Variants in WIPF2 observed in about 807,000 individuals in gnomAD.
WIPF2 encodes the protein WAS/WASL-interacting protein family member 2.
In WIPF2, 23 loss-of-function variants were observed where a neutral mutation model predicts 38.8. The observed-to-expected ratio is 0.59, with a 90% CI of 0.43 to 0.84. The LOEUF (loss-of-function observed/expected upper bound fraction) is 0.84. Among genes scored for constraint, WIPF2 ranks in the 40% least tolerant of loss-of-function variants. The pLI, the probability that WIPF2 is intolerant of heterozygous loss-of-function variation, is 0.00. For missense variants in WIPF2, 574 were observed against 580.5 expected (o/e 0.99, Z 0.11); for synonymous variants, 210 against 223.2 (o/e 0.94, Z 0.53).
rs77632688 is a variant in WIPF2, at chr17:40,271,845, C to G, written c.971-1945C>G. 2.6e-5 allele frequency among the ~76,000 whole-genome samples: 4 copies of G among 152,198 alleles called. No homozygotes were observed. In the South Asian group the frequency reaches 8.3e-4, roughly 32 times the overall value. The stretch of plus-strand genomic sequence containing the variant: ...TAGCTGCTATTATTGTTAGTTAATA[C>G]AGAGCATAGGAGTAAGACAAACACG... On this transcript the variant is annotated intron_variant, in intron 5 of 7. Coordinates refer to ENST00000323571, the MANE Select transcript of WIPF2 (RefSeq NM_133264.5).
At chr17:40,247,879 A>G (rs189385401) in intron 1 of WIPF2, among the ~76,000 whole-genome samples, 32 of 152,310 alleles carry the variant, frequency 2.1e-4, no homozygotes, top group African/African-American at 7.2e-4. Flanking sequence ...AGTAATTGTT[A>G]AATACTTATC....
chr17:40,277,840 C>T (rs933104266), intron 7 of WIPF2, among the ~76,000 whole-genome samples: 19 of 151,224 alleles, frequency 1.3e-4, no homozygotes, highest in African/African-American at 3.4e-4. Flanking sequence ...GATTCTCCTG[C>T]TTAAGCCTCC....
rs573664929 is a variant in WIPF2, at chr17:40,260,781, G to A, written c.196+114G>A. The A allele has an allele frequency of 1.5e-5, 21 of 1,385,102 alleles. No individual in the cohort carries two copies. In the South Asian group the frequency reaches 2.4e-4, roughly 16 times the overall value. 85.8% of individuals were successfully genotyped at this position (1,385,102 alleles called of 1,614,324 possible). A position where few individuals can be genotyped will look rare whatever the true frequency, so the allele number is the denominator to read the frequency against. ...GAGTGGGAGAGTTTTGTCCTGGGAT[G>A]TGCTTTGGCTCTCTTCTTATTCATT... On this transcript the variant is annotated intron_variant, in intron 3 of 7. Transcript: ENST00000323571.
At chr17:40,230,597 T>A (rs950945795) in intron 1 of WIPF2, among the ~76,000 whole-genome samples, 1 of 152,164 alleles carries the variant, frequency 6.6e-6, no homozygotes. Context: ...AATTTTAGGA[T>A]CTTAGAAATT....
At position 40,260,641 on chromosome 17, in the gene WIPF2, A is replaced by G; in HGVS notation, c.170A>G (p.Asn57Ser). 1 of 1,613,874 alleles carries G rather than the reference A, an allele frequency of 6.2e-7. No homozygotes were observed. The highest frequency in any genetic ancestry group is 8.5e-7 in the Non-Finnish European group (1 of 1,179,962). The change falls in exon 3 of 8, where the codon AAT becomes AGT. Residue 57 changes from asparagine to serine, a missense_variant. Transcript: ENST00000323571. ...AAGCTGAAGAAGGTGACCAACATTA[A>G]TGATCGGAGTGCTCCCATCCTCGAG... ...GTKLKKVTNI[N>S]DRSAPILEKP...
At chr17:40,230,601 A>G (rs1346295854) in intron 1 of WIPF2, among the ~76,000 whole-genome samples, 2 of 152,220 alleles carry the variant, frequency 1.3e-5, no homozygotes, top group Non-Finnish European at 2.9e-5. Context: ...TTAGGATCTT[A>G]GAAATTGTTT....
Position 40,219,344 on chromosome 17 carries a change from T to C in WIPF2, c.-218T>C. 2 of 369,268 alleles carry C rather than the reference T, an allele frequency of 5.4e-6. No homozygotes were observed. The highest frequency in any genetic ancestry group is 5.0e-5 in the South Asian group (2 of 40,072). 22.9% of individuals were successfully genotyped at this position (369,268 alleles called of 1,614,324 possible). ...GCTGGGGACGGTGGGAGCAGATCCA[T>C]TTCCGGGTTGGCAAAAGGGGCGGTG... On this transcript the variant is annotated 5_prime_UTR_variant, in exon 1 of 8. Coordinates refer to ENST00000323571, the MANE Select transcript of WIPF2 (RefSeq NM_133264.5).
At chr17:40,267,477 C>T (rs934015885) in intron 5 of WIPF2, among the ~76,000 whole-genome samples, 4 of 152,256 alleles carry the variant, frequency 2.6e-5, no homozygotes, top group African/African-American at 9.6e-5. Context: ...GCTCCCATAT[C>T]GTTGTATCAT....
At chr17:40,227,381 TAAA>T (rs2030539130) in intron 1 of WIPF2, among the ~76,000 whole-genome samples, 2 of 151,936 alleles carry the variant, frequency 1.3e-5, no homozygotes. Context: ...ATTTAAAAGA[TAAA>T]AAAGTATATA....
chr17:40,249,168 A>T (rs2031472045), intron 1 of WIPF2, among the ~76,000 whole-genome samples: 2 of 152,162 alleles, frequency 1.3e-5, no homozygotes, highest in Non-Finnish European at 2.9e-5. Context: ...GTCTTTTTAA[A>T]ATAACTTGCA....
intron 5 of WIPF2, among the ~76,000 whole-genome samples, chr17:40,267,746 G>A (rs1292762489): frequency 1.3e-5 from 2 of 152,126 alleles, no homozygotes; most frequent in South Asian, 2.1e-4. Flanking sequence ...CGCCGTGTTG[G>A]CCAGGCTGGT....
intron 1 of WIPF2, among the ~76,000 whole-genome samples, chr17:40,226,234 C>T (rs867427938): frequency 2.6e-4 from 38 of 146,348 alleles, no homozygotes; most frequent in African/African-American, 8.9e-4. Flanking sequence ...GATGGAGTCT[C>T]GTTCTGTCGG....
intron 5 of WIPF2, among the ~76,000 whole-genome samples, chr17:40,265,902 C>T (rs1567722939): frequency 6.6e-6 from 1 of 152,090 alleles, no homozygotes; most frequent in Non-Finnish European, 1.5e-5. Flanking sequence ...TTGCAGTAAA[C>T]GGCCAGATGG....
chr17:40,272,219 A>G (rs909717706), intron 5 of WIPF2, among the ~76,000 whole-genome samples: 1 of 152,074 alleles, frequency 6.6e-6, no homozygotes, highest in African/African-American at 2.4e-5. Context: ...GGGTTTCTCC[A>G]TGTTGATCAG....
chr17:40,230,391 CTA>C (rs766448411), intron 1 of WIPF2, among the ~76,000 whole-genome samples: 1 of 151,968 alleles, frequency 6.6e-6, no homozygotes, highest in Non-Finnish European at 1.5e-5. Context: ...AGGTCAGCTT[CTA>C]AAATAGGGCT....
At position 40,219,374 on chromosome 17, in the gene WIPF2, C is replaced by T. The variant is rs2030062151; in HGVS notation, c.-188C>T. ...GGGTTGGCAAAAGGGGCGGTGGCGG[C>T]GGCGGCGGCGGCGGCGGCGGCGGCG... On this transcript the variant is annotated 5_prime_UTR_variant, in exon 1 of 8. Coordinates refer to ENST00000323571, the MANE Select transcript of WIPF2 (RefSeq NM_133264.5). 6 of 394,686 alleles carry T rather than the reference C, an allele frequency of 1.5e-5. No homozygotes were observed. Among genetic ancestry groups the T allele is most frequent in the South Asian group, 2.3e-5 (1 of 43,140 alleles). 24.4% of individuals were successfully genotyped at this position (394,686 alleles called of 1,614,324 possible). A position where few individuals can be genotyped will look rare whatever the true frequency, so the allele number is the denominator to read the frequency against.
At position 40,260,608 on chromosome 17, in the gene WIPF2, A is replaced by G. The variant is rs775065221; in HGVS notation, c.137A>G (p.Lys46Arg). 3 of 1,613,906 alleles carry G rather than the reference A, an allele frequency of 1.9e-6. No individual in the cohort carries two copies. The South Asian group carries it at 3.3e-5, about 18-fold the overall frequency. Reference sequence around the variant, plus strand: ...GGCGCCCTCTTACAGGACATTTGCAAAGGGACCAAGCTGAAGAAGGTGACC... The same window carrying G: ...GGCGCCCTCTTACAGGACATTTGCAGAGGGACCAAGCTGAAGAAGGTGACC... The part of the protein sequence containing the change: ...GRGALLQDIC[K>R]GTKLKKVTNI... The change falls in exon 3 of 8, where the codon AAA becomes AGA. Residue 46 changes from lysine (K) to arginine (R), a missense_variant. Coordinates refer to ENST00000323571, the MANE Select transcript of WIPF2 (RefSeq NM_133264.5).
chr17:40,260,512 C>A (rs1222491068), intron 2 of WIPF2, 23 bp from the exon 3 acceptor site: 1 of 1,612,562 alleles, frequency 6.2e-7, no homozygotes, highest in East Asian at 2.2e-5. Context: ...TTAGGGTGAA[C>A]TTATATTTCT....
chr17:40,249,153 T>G (rs987167436), intron 1 of WIPF2, among the ~76,000 whole-genome samples: 22 of 152,200 alleles, frequency 1.4e-4, no homozygotes, highest in African/African-American at 5.1e-4. Flanking sequence ...TTTCTTGATT[T>G]TCGTGTCTTT....
Sources: allele counts gnomAD v4.1 joint callset (sites outside exome capture counted in the v4.1 genomes callset), GRCh38; gene constraint gnomAD v4.1.1; transcripts MANE v1.5; gene names NCBI Gene and HGNC (gene_info 2026-07-23, HGNC 2026-07-21).